The following DMD variants were observed in gnomAD, a reference collection of about 807,000 sequenced individuals.
DMD encodes the protein dystrophin.
A neutral mutation model predicts 330.1 loss-of-function variants in DMD; 63 were observed. The ratio of observed to expected loss-of-function variants is 0.19; its 90% CI spans 0.16 to 0.24. The LOEUF (loss-of-function observed/expected upper bound fraction) is 0.24, where lower values mean the gene tolerates loss of function less well. DMD is among the 10% of genes least tolerant of loss of function. The pLI is 1.00. For missense variants in DMD, 3,344 were observed against 2,684.1 expected (o/e 1.25, Z -5.43); for synonymous variants, 1,223 against 959.8 (o/e 1.27, Z -5.07).
chrX:31,167,691 A>C (rs2039561660), intron 74 of DMD, among the ~76,000 whole-genome samples: 1 of 112,171 alleles, frequency 8.9e-6, no homozygotes, highest in African/African-American at 3.2e-5. Flanking sequence ...AATGATCTCA[A>C]AAGTACGGCC....
intron 1 of DMD, among the ~76,000 whole-genome samples, chrX:33,143,436 A>G (rs906646383): frequency 6.3e-5 from 7 of 111,496 alleles, no homozygotes; most frequent in Non-Finnish European, 9.4e-5. Context: ...TCATCCTTCT[A>G]GAAAATGAGT....
intron 18 of DMD, among the ~76,000 whole-genome samples, chrX:32,512,086 AG>A (rs1311107016): frequency 2.7e-5 from 3 of 112,093 alleles, no homozygotes; most frequent in African/African-American, 9.7e-5. Context: ...AAGGCAACTA[AG>A]TTATATAATA....
intron 16 of DMD, among the ~76,000 whole-genome samples, chrX:32,562,837 T>C (rs1192229311): frequency 9.0e-6 from 1 of 111,604 alleles, no homozygotes; most frequent in African/African-American, 3.3e-5. Flanking sequence ...GCTCCATTTC[T>C]ACCTTCCTGT....
intron 29 of DMD, among the ~76,000 whole-genome samples, chrX:32,428,235 G>A (rs923909123): frequency 4.5e-5 from 5 of 110,982 alleles, no homozygotes; most frequent in African/African-American, 1.3e-4. Context: ...ATTATCACTC[G>A]GTTCTATGAA....
At chrX:31,515,980 G>A (rs1287708327) in intron 55 of DMD, among the ~76,000 whole-genome samples, 1 of 111,470 alleles carries the variant, frequency 9.0e-6, no homozygotes, top group Non-Finnish European at 1.9e-5. Context: ...TATGAAAGTA[G>A]AACTCCCTTA....
At chrX:33,036,872 A>G (rs1171435122) in intron 1 of DMD, among the ~76,000 whole-genome samples, 1 of 110,665 alleles carries the variant, frequency 9.0e-6, no homozygotes, top group Non-Finnish European at 1.9e-5. Flanking sequence ...AAGAATTTAG[A>G]CTTGGGTCTT....
Position 31,879,512 on chromosome X carries a change from C to T in DMD, c.6913-4139G>A, listed in dbSNP as rs1472939963. ...TTATTTAATAAGGAAAACTACTGTA[C>T]CAGCTCATCTTCCTACCACAAAATG... On this transcript the variant is annotated intron_variant, in intron 47 of 78. Coordinates refer to ENST00000357033, the MANE Select transcript of DMD (RefSeq NM_004006.3). Among the ~76,000 whole-genome samples the T allele has an allele frequency of 9.8e-5, 11 of 111,702 alleles. No individual in the cohort carries two copies. The Admixed American group carries it at 1.0e-3, about 11-fold the overall frequency.
chrX:31,729,775 C>T, intron 51 of DMD, 27 bp from the exon 52 acceptor site: 7 of 1,105,211 alleles, frequency 6.3e-6, no homozygotes, highest in Non-Finnish European at 8.8e-6. Flanking sequence ...CCCTTAGTAT[C>T]AGGGTTCTTC....
intron 47 of DMD, among the ~76,000 whole-genome samples, chrX:31,881,396 CAAA>C (rs34731646): frequency 3.7e-5 from 3 of 81,027 alleles, no homozygotes; most frequent in Non-Finnish European, 4.8e-5. Flanking sequence ...ACTAAAAATA[CAAA>C]AAAAAAAAAA....
intron 1 of DMD, among the ~76,000 whole-genome samples, chrX:33,166,321 G>C (rs2049050762): frequency 9.0e-6 from 1 of 110,914 alleles, no homozygotes; most frequent in African/African-American, 3.3e-5. Flanking sequence ...AGATATATGA[G>C]AAGATGTGAG....
intron 54 of DMD, among the ~76,000 whole-genome samples, chrX:31,657,615 A>T (rs2080862831): frequency 8.9e-6 from 1 of 111,965 alleles, no homozygotes; most frequent in Non-Finnish European, 1.9e-5. Context: ...TCTATCATGA[A>T]TCCCAAAGTG....
intron 7 of DMD, among the ~76,000 whole-genome samples, chrX:32,719,689 A>T (rs891896744): frequency 1.8e-5 from 2 of 111,407 alleles, no homozygotes; most frequent in Non-Finnish European, 3.8e-5. Context: ...TTGTGTTCTT[A>T]TTTAAGTTAT....
At chrX:32,544,908 C>G (rs975750521) in intron 17 of DMD, among the ~76,000 whole-genome samples, 5 of 110,416 alleles carry the variant, frequency 4.5e-5, no homozygotes, top group African/African-American at 6.6e-5. Flanking sequence ...TAGTTTATCA[C>G]CTATAGTTTC....
intron 41 of DMD, among the ~76,000 whole-genome samples, chrX:32,330,583 A>G (rs1320559677): frequency 8.9e-6 from 1 of 112,004 alleles, no homozygotes; most frequent in Non-Finnish European, 1.9e-5. Context: ...GGAGAAAATT[A>G]CACTTTATAT....
intron 43 of DMD, among the ~76,000 whole-genome samples, chrX:32,287,326 T>A (rs1390780101): frequency 8.9e-6 from 1 of 111,951 alleles, no homozygotes; most frequent in African/African-American, 3.2e-5. Context: ...ACGCTAAATT[T>A]AATACTGAAT....
chrX:32,342,001 T>G (rs1270790651), intron 41 of DMD, 99 bp downstream of exon 41: 1 of 898,216 alleles, frequency 1.1e-6, no homozygotes, highest in Non-Finnish European at 1.5e-6. Context: ...AGTTTAAAAC[T>G]GTACCCAGAT....
intron 7 of DMD, among the ~76,000 whole-genome samples, chrX:32,709,981 C>T (rs1210832662): frequency 9.0e-6 from 1 of 110,941 alleles, no homozygotes; most frequent in East Asian, 2.8e-4. Context: ...ATGGTCTACA[C>T]CCCCTGAATG....
At chrX:31,183,723 CT>C (rs1457801155) in intron 67 of DMD, among the ~76,000 whole-genome samples, 25 of 110,448 alleles carry the variant, frequency 2.3e-4, no homozygotes, top group African/African-American at 7.9e-4. Flanking sequence ...TATATATTGA[CT>C]ACTTTTTTGC....
At chrX:31,213,572 T>C (rs1057326344) in intron 64 of DMD, among the ~76,000 whole-genome samples, 2 of 112,166 alleles carry the variant, frequency 1.8e-5, no homozygotes, top group East Asian at 5.6e-4. Context: ...AGGGCAATTA[T>C]AGCTTGCACC....
Sources: gnomAD v4.1 joint callset for allele counts (sites outside exome capture counted in the v4.1 genomes callset) on GRCh38, gnomAD v4.1.1 for gene constraint, MANE v1.5 for transcripts, NCBI Gene and HGNC (gene_info 2026-07-23, HGNC 2026-07-21) for gene names.